LOC400499: variants seen among roughly 807,000 people sequenced by gnomAD.
chr16:11,427,819 G>A, the LOC400499 span, among the ~76,000 whole-genome samples: 5 of 152,160 alleles, frequency 3.3e-5, no homozygotes, highest in Non-Finnish European at 7.4e-5. Context: ...TAAGAGCAGG[G>A]AGAATTGTAA....
the LOC400499 span, among the ~76,000 whole-genome samples, chr16:11,513,055 C>T: frequency 1.3e-5 from 2 of 152,198 alleles, no homozygotes; most frequent in African/African-American, 2.4e-5. Context: ...CACCGTGTGA[C>T]CTTGGACAAG....
the LOC400499 span, among the ~76,000 whole-genome samples, chr16:11,524,571 A>G: frequency 6.6e-6 from 1 of 152,180 alleles, no homozygotes; most frequent in Non-Finnish European, 1.5e-5. Context: ...AGGAAATAGC[A>G]GGAGCTGGTG....
the LOC400499 span, chr16:11,459,944 C>T: frequency 6.8e-4 from 1,030 of 1,507,216 alleles, 18 homozygotes; most frequent in South Asian, 0.012. Flanking sequence ...TCTTGAAGGT[C>T]TGGCTGACAC....
chr16:11,441,520 A>G, the LOC400499 span, among the ~76,000 whole-genome samples: 1 of 152,160 alleles, frequency 6.6e-6, no homozygotes, highest in African/African-American at 2.4e-5. Flanking sequence ...GCAGAAGAAC[A>G]CTCATTGCAC....
At chr16:11,460,402 G>A in the LOC400499 span, 20 of 1,437,986 alleles carry the variant, frequency 1.4e-5, no homozygotes, top group Middle Eastern at 1.8e-4. Context: ...TTGGGGATGA[G>A]TTCAGGGTAC....
chr16:11,477,726 C>G, the LOC400499 span: 1 of 396,950 alleles, frequency 2.5e-6, no homozygotes. Flanking sequence ...TAGGGATCCT[C>G]TCTTACCCAT....
chr16:11,462,712 T>C, the LOC400499 span, among the ~76,000 whole-genome samples: 5 of 152,152 alleles, frequency 3.3e-5, no homozygotes, highest in African/African-American at 7.2e-5. Context: ...CATGAACTAC[T>C]GTGCCCAGCC....
chr16:11,470,075 G>T, the LOC400499 span, among the ~76,000 whole-genome samples: 43 of 151,724 alleles, frequency 2.8e-4, no homozygotes, highest in East Asian at 1.4e-3. Flanking sequence ...GTTTTTTTTT[G>T]TTGTTGTTGT....
At chr16:11,441,984 T>A in the LOC400499 span, among the ~76,000 whole-genome samples, 143 of 152,336 alleles carry the variant, frequency 9.4e-4, no homozygotes, top group African/African-American at 3.2e-3. Flanking sequence ...TACTCCATCA[T>A]TTATTCACTC....
the LOC400499 span, among the ~76,000 whole-genome samples, chr16:11,505,075 G>A: frequency 3.3e-5 from 5 of 151,804 alleles, no homozygotes; most frequent in East Asian, 1.9e-4. Flanking sequence ...CTCAGTAGCA[G>A]AGCAGACACT....
chr16:11,377,896 C>T, the LOC400499 span, among the ~76,000 whole-genome samples: 1 of 152,154 alleles, frequency 6.6e-6, no homozygotes. Flanking sequence ...TGGTGATTCA[C>T]CAGTGAAGGC....
the LOC400499 span, chr16:11,448,133 C>G: frequency 7.1e-4 from 1,055 of 1,496,200 alleles, 14 homozygotes; most frequent in African/African-American, 0.013. Flanking sequence ...TGCAGACCTG[C>G]CTTGCAGGAA....
chr16:11,522,251 AG>A, the LOC400499 span: 1 of 397,410 alleles, frequency 2.5e-6, no homozygotes, highest in African/African-American at 2.1e-5. Flanking sequence ...GCTTGGGGAA[AG>A]GTTGGGTAGC....
the LOC400499 span, among the ~76,000 whole-genome samples, chr16:11,474,903 C>T: frequency 6.6e-6 from 1 of 152,116 alleles, no homozygotes; most frequent in East Asian, 1.9e-4. Flanking sequence ...TCCCAATTCG[C>T]TATGCCAAAA....
At chr16:11,428,224 G>C in the LOC400499 span, among the ~76,000 whole-genome samples, 4 of 146,740 alleles carry the variant, frequency 2.7e-5, no homozygotes, top group Non-Finnish European at 5.9e-5. Flanking sequence ...GCCCAGGCTG[G>C]AGTGCCGTGG....
the LOC400499 span, among the ~76,000 whole-genome samples, chr16:11,490,195 A>G: frequency 2.0e-5 from 3 of 152,098 alleles, no homozygotes. Context: ...CAGGAGTTCG[A>G]GACCAGCCTG....
chr16:11,411,038 G>A, the LOC400499 span, among the ~76,000 whole-genome samples: 15 of 152,380 alleles, frequency 9.8e-5, no homozygotes, highest in African/African-American at 2.6e-4. Flanking sequence ...GCCTGACTGG[G>A]GGCCACGGGG....
the LOC400499 span, among the ~76,000 whole-genome samples, chr16:11,448,409 T>C: frequency 4.6e-5 from 7 of 152,342 alleles, no homozygotes; most frequent in African/African-American, 1.4e-4. Context: ...CTGGGCATGG[T>C]GGCTCATGCC....
At chr16:11,474,128 G>A in the LOC400499 span, among the ~76,000 whole-genome samples, 3 of 152,188 alleles carry the variant, frequency 2.0e-5, no homozygotes, top group Non-Finnish European at 4.4e-5. Flanking sequence ...CGAAGTGTGG[G>A]GATTACAGGC....
Sources: gnomAD v4.1 joint callset for allele counts (sites outside exome capture counted in the v4.1 genomes callset) on GRCh38, gnomAD v4.1.1 for gene constraint, MANE v1.5 for transcripts.